Variants in DNAJC15 observed in about 807,000 individuals in gnomAD.
The protein encoded by DNAJC15 is dnaJ homolog subfamily C member 15.
DNAJC15 carries 27 observed loss-of-function variants against 22.4 expected under a neutral mutation model. The ratio of observed to expected loss-of-function variants is 1.20; its 90% CI spans 0.89 to 1.66. The LOEUF (loss-of-function observed/expected upper bound fraction) is 1.66, where lower values mean the gene tolerates loss of function less well. DNAJC15 is among the 40% of genes most tolerant of loss of function. The pLI, the probability that DNAJC15 is intolerant of heterozygous loss-of-function variation, is 0.00. For synonymous variants in DNAJC15, 79 were observed against 63.2 expected, an observed-to-expected ratio of 1.25 and a Z score of -1.19; for missense variants, 208 against 187.1, an observed-to-expected ratio of 1.11 and a Z score of -0.65.
At chr13:43,033,885 G>T (rs1189160099) in intron 1 of DNAJC15, among the ~76,000 whole-genome samples, 1 of 151,890 alleles carries the variant, frequency 6.6e-6, no homozygotes, top group Non-Finnish European at 1.5e-5. Flanking sequence ...AAAATTAGCC[G>T]GGCATGGTAG....
At chr13:43,065,896 T>C (rs1220970249) in intron 2 of DNAJC15, among the ~76,000 whole-genome samples, 159 bp downstream of exon 2, 1 of 152,224 alleles carries the variant, frequency 6.6e-6, no homozygotes, top group Non-Finnish European at 1.5e-5. Flanking sequence ...ACATTTGTCA[T>C]TGTAGCAAAA....
intron 4 of DNAJC15, among the ~76,000 whole-genome samples, chr13:43,079,310 CTGA>C (rs1261894175): frequency 6.6e-6 from 1 of 152,102 alleles, no homozygotes; most frequent in Non-Finnish European, 1.5e-5. Flanking sequence ...AACAAATCTT[CTGA>C]TGATATAATC....
intron 3 of DNAJC15, among the ~76,000 whole-genome samples, chr13:43,075,594 A>G (rs1304632714): frequency 6.6e-6 from 1 of 152,182 alleles, no homozygotes; most frequent in African/African-American, 2.4e-5. Context: ...CCTTTAATTT[A>G]GGGAGTAACG....
At chr13:43,050,662 A>G (rs2040498727) in intron 1 of DNAJC15, among the ~76,000 whole-genome samples, 1 of 152,178 alleles carries the variant, frequency 6.6e-6, no homozygotes, top group Admixed American at 6.5e-5. Flanking sequence ...TTGTTTGTTT[A>G]CTGTCAATTG....
chr13:43,066,635 C>CT (rs941748269), intron 2 of DNAJC15, among the ~76,000 whole-genome samples: 7 of 151,892 alleles, frequency 4.6e-5, no homozygotes, highest in African/African-American at 9.7e-5. Context: ...GCTAGTTTTT[C>CT]TTTTTTTTGA....
intron 5 of DNAJC15, among the ~76,000 whole-genome samples, chr13:43,094,319 C>T (rs1261931674): frequency 6.6e-6 from 1 of 152,222 alleles, no homozygotes; most frequent in East Asian, 1.9e-4. Flanking sequence ...GGTCCCCACA[C>T]TGTCAGCAGC....
intron 5 of DNAJC15, 23 bp from the exon 6 acceptor site, chr13:43,107,155 T>G: frequency 6.5e-7 from 1 of 1,540,230 alleles, no homozygotes; most frequent in Non-Finnish European, 8.7e-7. Flanking sequence ...TGTATTTTAA[T>G]TCATTTTTCT....
At chr13:43,038,416 A>G (rs1236315266) in intron 1 of DNAJC15, among the ~76,000 whole-genome samples, 1 of 152,238 alleles carries the variant, frequency 6.6e-6, no homozygotes, top group Non-Finnish European at 1.5e-5. Context: ...ATCCAGAGGA[A>G]AAGCTGAAAG....
intron 1 of DNAJC15, among the ~76,000 whole-genome samples, chr13:43,029,676 T>G (rs185169025): frequency 2.6e-5 from 4 of 152,326 alleles, no homozygotes; most frequent in Admixed American, 2.0e-4. Flanking sequence ...TTGGTTTTTT[T>G]AGTGGATATT....
intron 3 of DNAJC15, among the ~76,000 whole-genome samples, chr13:43,073,874 A>T (rs1369848494): frequency 2.0e-5 from 3 of 150,846 alleles, no homozygotes; most frequent in African/African-American, 4.9e-5. Context: ...TTTTTTTTTT[A>T]AATTAATGTA....
chr13:43,086,305 C>G (rs1049430028), intron 5 of DNAJC15, among the ~76,000 whole-genome samples: 2 of 152,188 alleles, frequency 1.3e-5, no homozygotes, highest in Non-Finnish European at 2.9e-5. Context: ...TTGTTTTTAA[C>G]TGGCCAGGTT....
At chr13:43,038,166 A>G (rs2040437271) in intron 1 of DNAJC15, among the ~76,000 whole-genome samples, 1 of 152,056 alleles carries the variant, frequency 6.6e-6, no homozygotes, top group Non-Finnish European at 1.5e-5. Context: ...AAATTTTTTG[A>G]ATCTTAGTTA....
chr13:43,077,198 A>G (rs1036778144), intron 3 of DNAJC15, among the ~76,000 whole-genome samples: 2 of 152,210 alleles, frequency 1.3e-5, no homozygotes, highest in Admixed American at 6.5e-5. Flanking sequence ...TCTGTTATTC[A>G]CAACAAATAA....
chr13:43,096,016 T>A (rs2040737928), intron 5 of DNAJC15, among the ~76,000 whole-genome samples: 1 of 151,998 alleles, frequency 6.6e-6, no homozygotes, highest in Non-Finnish European at 1.5e-5. Flanking sequence ...TGTTTTATTT[T>A]GCTTTTTACT....
At position 43,108,661 on chromosome 13, in the gene DNAJC15, T is replaced by C. The variant is rs2040810208; in HGVS notation, c.*1413T>C. On this transcript the variant is annotated 3_prime_UTR_variant, in exon 6 of 6. Transcript: ENST00000379221. ...TTTGTGGGAGGTCTCTTGTGCGTTT[T>C]AGATGATTAGCAATAATCCCTGACC... 6.6e-6 allele frequency: 1 copy of C among 152,320 alleles called. No homozygotes were observed. The highest frequency in any genetic ancestry group is 3.4e-3 in the Middle Eastern group (1 of 294). The allele number at this position is 152,320 out of a possible 1,614,324, so 9.4% of individuals were successfully genotyped here.
At chr13:43,074,166 A>T (rs1022667875) in intron 3 of DNAJC15, among the ~76,000 whole-genome samples, 5 of 152,168 alleles carry the variant, frequency 3.3e-5, no homozygotes, top group African/African-American at 1.2e-4. Flanking sequence ...ATTCTTTTAA[A>T]ACTATGGGAT....
Position 43,112,357 on chromosome 13 carries a change from A to C in DNAJC15, c.*5109A>C, listed in dbSNP as rs1363637501. 6.6e-6 allele frequency: 1 copy of C among 152,220 alleles called. No homozygotes were observed. The highest frequency in any genetic ancestry group is 1.5e-5 in the Non-Finnish European group (1 of 68,040). 9.4% of individuals were successfully genotyped at this position (152,220 alleles called of 1,614,324 possible). A position where few individuals can be genotyped will look rare whatever the true frequency, so the allele number is the denominator to read the frequency against. On this transcript the variant is annotated 3_prime_UTR_variant, in exon 6 of 6. Coordinates refer to ENST00000379221, the MANE Select transcript of DNAJC15 (RefSeq NM_013238.3). ...ATTACATAGATGTAGAGAAATACTC[A>C]ATCTTCAGCATTAAGAGGGAGCTTA...
chr13:43,027,697 C>T (rs1446553928), intron 1 of DNAJC15, among the ~76,000 whole-genome samples: 3 of 151,080 alleles, frequency 2.0e-5, no homozygotes, highest in Non-Finnish European at 4.4e-5. Context: ...TGCTCTGTTG[C>T]CCAGGCTGGA....
chr13:43,089,344 A>C (rs1352243184), intron 5 of DNAJC15, among the ~76,000 whole-genome samples: 1 of 152,232 alleles, frequency 6.6e-6, no homozygotes, highest in Non-Finnish European at 1.5e-5. Context: ...ATTCTAATGG[A>C]GGAGCAGACA....
Sources: allele counts gnomAD v4.1 joint callset (sites outside exome capture counted in the v4.1 genomes callset), GRCh38; gene constraint gnomAD v4.1.1; transcripts MANE v1.5; gene names NCBI Gene and HGNC (gene_info 2026-07-23, HGNC 2026-07-21).